SNX24: variants seen among roughly 807,000 people sequenced by gnomAD.
SNX24 encodes the protein sorting nexin-24.
SNX24 carries 22 observed loss-of-function variants against 28.7 expected under a neutral mutation model. That is an observed-to-expected ratio of 0.77 (90% CI 0.55 to 1.10). The LOEUF is 1.10. SNX24 is among the 50% of genes least tolerant of loss of function. The pLI is 0.00. For missense variants in SNX24, 221 were observed against 201.1 expected (o/e 1.10, Z -0.60); for synonymous variants, 69 against 71.5 (o/e 0.96, Z 0.18).
intron 1 of SNX24, among the ~76,000 whole-genome samples, chr5:122,908,302 C>T (rs975687599): frequency 1.3e-5 from 2 of 152,118 alleles, no homozygotes; most frequent in African/African-American, 4.8e-5. Context: ...GATGTAAATG[C>T]ACGTCAGAAA....
At chr5:122,864,952 A>G (rs1281165611) in intron 1 of SNX24, among the ~76,000 whole-genome samples, 2 of 152,234 alleles carry the variant, frequency 1.3e-5, no homozygotes, top group Non-Finnish European at 2.9e-5. Flanking sequence ...GTTCCTCCCA[A>G]GGTTAGGTCA....
At chr5:122,972,363 C>G (rs747721512) in intron 3 of SNX24, among the ~76,000 whole-genome samples, 2 of 152,230 alleles carry the variant, frequency 1.3e-5, no homozygotes, top group East Asian at 1.9e-4. Context: ...GATTCCTAGA[C>G]GCGTGAATCC....
At position 122,858,899 on chromosome 5, in the gene SNX24, C is replaced by G. The variant is rs528721924; in HGVS notation, c.60+13206C>G. Reference sequence around the variant, plus strand: ...AGTAGCTGGGAATACAGGTGCCCACCACCACGCCTGGCCAATTATTGTATT... The same window carrying G: ...AGTAGCTGGGAATACAGGTGCCCACGACCACGCCTGGCCAATTATTGTATT... On this transcript the variant is annotated intron_variant, in intron 1 of 6. Coordinates refer to ENST00000261369, the MANE Select transcript of SNX24 (RefSeq NM_014035.4). Among the ~76,000 whole-genome samples, 5 of 152,086 alleles carry G rather than the reference C, an allele frequency of 3.3e-5. No individual in the cohort carries two copies. In the East Asian group the frequency reaches 5.8e-4, roughly 18 times the overall value.
chr5:122,946,615 C>T (rs544772103), intron 3 of SNX24, among the ~76,000 whole-genome samples: 1 of 151,996 alleles, frequency 6.6e-6, no homozygotes, highest in Non-Finnish European at 1.5e-5. Context: ...ATAAAAATTG[C>T]CGATGATGAA....
At chr5:122,992,713 C>T (rs989872929) in intron 3 of SNX24, among the ~76,000 whole-genome samples, 5 of 152,200 alleles carry the variant, frequency 3.3e-5, no homozygotes, top group African/African-American at 1.2e-4. Context: ...TGCTGTGAAT[C>T]AGCATTCATC....
chr5:122,969,085 A>G (rs1760838346), intron 3 of SNX24, among the ~76,000 whole-genome samples: 1 of 152,184 alleles, frequency 6.6e-6, no homozygotes, highest in African/African-American at 2.4e-5. Flanking sequence ...GGTTTTAAGT[A>G]AAATAGTGTA....
At chr5:122,856,698 T>G (rs1216201100) in intron 1 of SNX24, among the ~76,000 whole-genome samples, 1 of 151,926 alleles carries the variant, frequency 6.6e-6, no homozygotes, top group Non-Finnish European at 1.5e-5. Flanking sequence ...GCATTTTTAG[T>G]AGAGATGGGG....
chr5:122,845,931 G>C (rs1453531356), intron 1 of SNX24, among the ~76,000 whole-genome samples: 1 of 151,864 alleles, frequency 6.6e-6, no homozygotes, highest in Non-Finnish European at 1.5e-5. Flanking sequence ...TCTCCTCCCG[G>C]ACGAGCTGCA....
chr5:122,963,163 G>A (rs1021213279), intron 3 of SNX24, among the ~76,000 whole-genome samples: 1 of 152,322 alleles, frequency 6.6e-6, no homozygotes, highest in Admixed American at 6.5e-5. Flanking sequence ...GAACCTGGGA[G>A]GCACAAGTTG....
chr5:122,899,872 T>C lies in SNX24; in HGVS notation c.61-36862T>C, dbSNP rs117083476. On this transcript the variant is annotated intron_variant, in intron 1 of 6. Coordinates refer to ENST00000261369, the MANE Select transcript of SNX24 (RefSeq NM_014035.4). ...GGAGAGTTGGGGAAAGTTTTTCTTA[T>C]TAGGACTGATTAACTCACAGGTGGA... Among the ~76,000 whole-genome samples the C allele has an allele frequency of 8.3e-3, 1,263 of 152,298 alleles. 10 individuals are homozygous for C. The highest frequency in any genetic ancestry group is 0.06 in the East Asian group (311 of 5,188).
intron 1 of SNX24, among the ~76,000 whole-genome samples, chr5:122,905,661 C>A (rs1202438061): frequency 6.6e-6 from 1 of 152,142 alleles, no homozygotes; most frequent in Non-Finnish European, 1.5e-5. Context: ...CCTGTAATAA[C>A]CCTAGGAACA....
chr5:123,028,407 C>T (rs1207789025), intron 5 of SNX24: 2 of 177,230 alleles, frequency 1.1e-5, no homozygotes, highest in African/African-American at 2.4e-5. Context: ...CAACGCCCAC[C>T]TCTGCCGCAC....
chr5:123,024,004 C>T, intron 5 of SNX24: 1 of 1,611,756 alleles, frequency 6.2e-7, no homozygotes, highest in Non-Finnish European at 8.5e-7. Context: ...GCACCACTGT[C>T]TGGTGAGAGA....
At chr5:122,857,858 C>T (rs1755275477) in intron 1 of SNX24, among the ~76,000 whole-genome samples, 1 of 152,192 alleles carries the variant, frequency 6.6e-6, no homozygotes, top group Non-Finnish European at 1.5e-5. Flanking sequence ...TCTCGGCTCA[C>T]TGCAACCTCC....
intron 3 of SNX24, among the ~76,000 whole-genome samples, chr5:122,971,500 ATACT>A (rs1760957338): frequency 6.6e-6 from 1 of 152,190 alleles, no homozygotes; most frequent in Admixed American, 6.5e-5. Flanking sequence ...TCCTGAAATC[ATACT>A]TAATCTTCAA....
Position 123,007,759 on chromosome 5 carries a change from A to C in SNX24, c.*10A>C. The C allele has an allele frequency of 6.3e-7, 1 of 1,595,806 alleles. No individual in the cohort carries two copies. The highest frequency in any genetic ancestry group is 8.5e-7 in the Non-Finnish European group (1 of 1,175,368). ...TCTACAGCCCAGGTAGAAATCCTAC[A>C]TGGCTAAAAGAAGCAGAAGCAAGTT... On this transcript the variant is annotated 3_prime_UTR_variant, in exon 7 of 7. Coordinates refer to ENST00000261369, the MANE Select transcript of SNX24 (RefSeq NM_014035.4).
At chr5:122,865,492 G>A (rs958801314) in intron 1 of SNX24, among the ~76,000 whole-genome samples, 2 of 152,034 alleles carry the variant, frequency 1.3e-5, no homozygotes, top group Non-Finnish European at 2.9e-5. Flanking sequence ...CACCATGCCC[G>A]GCTAATTTTT....
In SNX24 at chr5:122,850,862, T is replaced by G. The variant is rs545369449; in HGVS notation, c.60+5169T>G. 2.7e-5 allele frequency among the ~76,000 whole-genome samples: 4 copies of G among 149,202 alleles called. No individual in the cohort carries two copies. In the East Asian group the frequency reaches 7.9e-4, roughly 29 times the overall value. On this transcript the variant is annotated intron_variant, in intron 1 of 6. Transcript: ENST00000261369. ...AGGGCCAAGGGTAAAACCTTAGAAC[T>G]TGAATAAGCAAAGAAGTCCCAGCAC...
intron 3 of SNX24, among the ~76,000 whole-genome samples, chr5:122,961,108 G>A (rs1760472166): frequency 6.6e-6 from 1 of 152,098 alleles, no homozygotes; most frequent in African/African-American, 2.4e-5. Flanking sequence ...TCCAACTCTG[G>A]CTGAGGATTC....
Sources: gnomAD v4.1 joint callset for allele counts (sites outside exome capture counted in the v4.1 genomes callset) on GRCh38, gnomAD v4.1.1 for gene constraint, MANE v1.5 for transcripts, NCBI Gene and HGNC (gene_info 2026-07-23, HGNC 2026-07-21) for gene names.